Variants in ZNF780B observed in about 807,000 individuals in gnomAD.
The protein encoded by ZNF780B is zinc finger protein 779.
ZNF780B carries 52 observed loss-of-function variants against 74.1 expected under a neutral mutation model. The observed-to-expected ratio is 0.70, with a 90% confidence interval of 0.56 to 0.88. ZNF780B has a LOEUF of 0.88. ZNF780B is among the 40% of genes least tolerant of loss of function. The pLI, the probability that ZNF780B is intolerant of heterozygous loss-of-function variation, is 0.00. For synonymous variants in ZNF780B, 315 were observed against 324.3 expected (o/e 0.97, Z 0.31); for missense variants, 953 against 1,007.6 (o/e 0.95, Z 0.73).
At chr19:40,036,768 A>G in intron 4 of ZNF780B, 142 bp from the exon 5 acceptor site, 3 of 577,750 alleles carry the variant, frequency 5.2e-6, no homozygotes. Context: ...CCAATAATGA[A>G]TTTATGTAAG....
chr19:40,044,948 G>T (rs1972863300), intron 4 of ZNF780B, among the ~76,000 whole-genome samples: 2 of 152,050 alleles, frequency 1.3e-5, no homozygotes, highest in African/African-American at 4.8e-5. Flanking sequence ...CTGCCTACAA[G>T]AAACTCTTCT....
chr19:40,045,048 C>CT (rs1972867400), intron 4 of ZNF780B, among the ~76,000 whole-genome samples: 1 of 151,988 alleles, frequency 6.6e-6, no homozygotes, highest in Non-Finnish European at 1.5e-5. Context: ...GAAATAGCTA[C>CT]GTTTATATCA....
rs760023804 is a variant in ZNF780B, at chr19:40,035,120, G to T, written c.1739C>A (p.Thr580Asn). The change falls in exon 5 of 5, where the codon ACC becomes AAC. Residue 580 changes from threonine (T) to asparagine (N), a missense_variant. By Grantham distance (65) the Thr-to-Asn change is moderately conservative. Transcript: ENST00000434248. ...CTTACATTCAAAGGGTTTCTTTCCG[G>T]TATGAATACTTCGATGTTGATTAAG... ...SNLNQHRSIH[T>N]GKKPFECKEC... 1.2e-6 allele frequency: 2 copies of T among 1,613,672 alleles called. No homozygotes were observed. The highest frequency in any genetic ancestry group is 1.7e-6 in the Non-Finnish European group (2 of 1,179,762).
intron 4 of ZNF780B, among the ~76,000 whole-genome samples, chr19:40,044,219 G>A (rs1972821977): frequency 6.6e-6 from 1 of 152,162 alleles, no homozygotes; most frequent in East Asian, 1.9e-4. Flanking sequence ...TCTATTTAAT[G>A]AAATAATAGC....
chr19:40,034,419 C>T lies in ZNF780B; in HGVS notation c.2440G>A (p.Val814Met), dbSNP rs758679427. The T allele has an allele frequency of 3.7e-6, 6 of 1,613,832 alleles. No homozygotes were observed. The South Asian group carries it at 5.5e-5, about 15-fold the overall frequency. ...QVRNPLNVRN[V>M]GQPSDISSNL... ...CTACTGATGTCTGAAGGCTGTCCCA[C>T]ATTTCTTACATTCAAAGGGTTTCTC... The change falls in exon 5 of 5, where the codon GTG becomes ATG. Residue 814 changes from valine (V) to methionine (M), a missense_variant. Coordinates refer to ENST00000434248, the MANE Select transcript of ZNF780B (RefSeq NM_001005851.3).
intron 4 of ZNF780B, among the ~76,000 whole-genome samples, chr19:40,037,980 G>A (rs1235970641): frequency 6.7e-6 from 1 of 150,282 alleles, no homozygotes; most frequent in Non-Finnish European, 1.5e-5. Context: ...TGTTACATAT[G>A]TATACATGTG....
At chr19:40,038,875 G>C (rs537553555) in intron 4 of ZNF780B, among the ~76,000 whole-genome samples, 2,209 of 150,344 alleles carry the variant, frequency 0.015, 26 homozygotes, top group East Asian at 0.05. Flanking sequence ...TGTTCACTCT[G>C]ATGGTAGTTT....
intron 4 of ZNF780B, among the ~76,000 whole-genome samples, chr19:40,042,002 T>C (rs918184566): frequency 5.3e-5 from 8 of 152,196 alleles, no homozygotes; most frequent in Admixed American, 6.5e-5. Context: ...TTCCTAGCCT[T>C]GATGGTCTTT....
chr19:40,052,518 C>A (rs777852407), intron 1 of ZNF780B, among the ~76,000 whole-genome samples: 1 of 151,798 alleles, frequency 6.6e-6, no homozygotes, highest in Non-Finnish European at 1.5e-5. Flanking sequence ...CAAGACCATA[C>A]GTGGAGTTAC....
At chr19:40,038,903 C>A (rs1972492379) in intron 4 of ZNF780B, among the ~76,000 whole-genome samples, 1 of 151,064 alleles carries the variant, frequency 6.6e-6, no homozygotes, top group African/African-American at 2.4e-5. Context: ...TGTGCAGAAG[C>A]TCTTTAGTTT....
At chr19:40,054,921 T>C (rs1973416954) in intron 1 of ZNF780B, among the ~76,000 whole-genome samples, 1 of 152,190 alleles carries the variant, frequency 6.6e-6, no homozygotes, top group Admixed American at 6.5e-5. Flanking sequence ...TGGCAAGTAT[T>C]ACAATTATCA....
At chr19:40,050,410 T>C in intron 1 of ZNF780B, 33 bp from the exon 2 acceptor site, 1 of 1,533,054 alleles carries the variant, frequency 6.5e-7, no homozygotes. Context: ...AGGCCCTAAG[T>C]CAAGCTGTGT....
intron 4 of ZNF780B, among the ~76,000 whole-genome samples, chr19:40,041,920 T>C (rs986874235): frequency 6.6e-6 from 1 of 152,172 alleles, no homozygotes; most frequent in African/African-American, 2.4e-5. Flanking sequence ...AAAGTTAATA[T>C]TGTTATGTGT....
At chr19:40,050,003 C>A (rs997113501) in intron 2 of ZNF780B, among the ~76,000 whole-genome samples, 3 of 151,938 alleles carry the variant, frequency 2.0e-5, no homozygotes, top group African/African-American at 7.3e-5. Context: ...CGAGACCATC[C>A]TGGCTAATAT....
chr19:40,037,302 C>T (rs1194879026), intron 4 of ZNF780B, among the ~76,000 whole-genome samples: 1 of 151,914 alleles, frequency 6.6e-6, no homozygotes, highest in African/African-American at 2.4e-5. Flanking sequence ...CTCACTGCAG[C>T]CTCAAACTCC....
At position 40,036,550 on chromosome 19, in the gene ZNF780B, A is replaced by G; in HGVS notation, c.309T>C (p.Val103=). ...CAAGTGTTTTACTTATTTGCTTTATAACATGTTTGGGTAAATTTATTTCAA... is the reference window on the plus strand; with the variant it reads ...CAAGTGTTTTACTTATTTGCTTTATGACATGTTTGGGTAAATTTATTTCAA... ...DIFEINLPKH[V]IKQISKTLGL... is the part of the protein sequence containing the mutation. Residue 103 remains valine (V), a synonymous_variant, in exon 5 of 5, where the codon GTT becomes GTC. Coordinates refer to ENST00000434248, the MANE Select transcript of ZNF780B (RefSeq NM_001005851.3). 1.3e-6 allele frequency: 2 copies of G among 1,586,850 alleles called. No individual in the cohort carries two copies. Among genetic ancestry groups the G allele is most frequent in the Non-Finnish European group, 1.7e-6 (2 of 1,169,820 alleles).
At chr19:40,042,080 G>C (rs1417077124) in intron 4 of ZNF780B, among the ~76,000 whole-genome samples, 1 of 152,050 alleles carries the variant, frequency 6.6e-6, no homozygotes, top group Admixed American at 6.6e-5. Context: ...CTTCCTTCAG[G>C]AGCTCTTTTA....
intron 4 of ZNF780B, among the ~76,000 whole-genome samples, chr19:40,040,402 T>A (rs1263220138): frequency 6.6e-6 from 1 of 152,234 alleles, no homozygotes; most frequent in Non-Finnish European, 1.5e-5. Flanking sequence ...CCAGCTTTGG[T>A]ATCAGGATGA....
In ZNF780B at chr19:40,030,054, T is replaced by C. The variant is rs1971962860; in HGVS notation, c.*4303A>G. 6.6e-6 allele frequency: 1 copy of C among 152,200 alleles called. No homozygotes were observed. The highest frequency in any genetic ancestry group is 2.4e-5 in the African/African-American group (1 of 41,442). The allele number at this position is 152,200 out of a possible 1,614,324, so 9.4% of individuals were successfully genotyped here. ...ATTTAACAATGGGTTTATCTAGATATAGCCCCATTTTAAGTCAAGGAGCAT... is the reference window on the plus strand; with the variant it reads ...ATTTAACAATGGGTTTATCTAGATACAGCCCCATTTTAAGTCAAGGAGCAT... On this transcript the variant is annotated 3_prime_UTR_variant, in exon 5 of 5. Transcript: ENST00000434248.
Sources: allele counts gnomAD v4.1 joint callset (sites outside exome capture counted in the v4.1 genomes callset), GRCh38; gene constraint gnomAD v4.1.1; transcripts MANE v1.5; gene names NCBI Gene and HGNC (gene_info 2026-07-23, HGNC 2026-07-21).